SMAP1: variants seen among roughly 807,000 people sequenced by gnomAD.
SMAP1 encodes stromal membrane-associated protein 1.
In SMAP1, 24 loss-of-function variants were observed where a neutral mutation model predicts 58.5. That is an observed-to-expected ratio of 0.41 (90% CI 0.30 to 0.58). The LOEUF is 0.58. SMAP1 is among the 20% of genes least tolerant of loss of function. The pLI is 0.29. For missense variants in SMAP1, 563 were observed against 566.3 expected, an observed-to-expected ratio of 0.99 and a Z score of 0.06; for synonymous variants, 216 against 196.6, an observed-to-expected ratio of 1.10 and a Z score of -0.82.
At position 70,725,093 on chromosome 6, in the gene SMAP1, G is replaced by GTTTTTTTTTTTTTTTTTTTTTTTTTTT. The variant is rs745587315; in HGVS notation, c.119-7270_119-7244dup. ...GACTCCATATCCTAAATTAACCAGT[G>GTTTTTTTTTTTTTTTTTTTTTTTTTTT]TTTTTTTTTTTTTTTTTTTTTTTTT... is the stretch of plus-strand genomic sequence containing the variant. On this transcript the variant is annotated intron_variant, in intron 1 of 10. Coordinates refer to ENST00000370455, the MANE Select transcript of SMAP1 (RefSeq NM_001044305.3). Among the ~76,000 whole-genome samples, 3 of 47,778 alleles carry GTTTTTTTTTTTTTTTTTTTTTTTTTTT rather than the reference G, an allele frequency of 6.3e-5. 1 individual carries two copies. The highest frequency in any genetic ancestry group is 1.2e-4 in the Non-Finnish European group (3 of 24,994). The allele number at this position is 47,778 out of a possible 152,430, so 31.3% of individuals were successfully genotyped here.
At chr6:70,687,987 T>C (rs981662165) in intron 1 of SMAP1, among the ~76,000 whole-genome samples, 5 of 152,170 alleles carry the variant, frequency 3.3e-5, no homozygotes, top group African/African-American at 1.2e-4. Flanking sequence ...TCCTAACCCA[T>C]AGCATCCATG....
In SMAP1 at chr6:70,861,727, G is replaced by C; in HGVS notation, c.*1393G>C. On this transcript the variant is annotated 3_prime_UTR_variant, in exon 11 of 11. Coordinates refer to ENST00000370455, the MANE Select transcript of SMAP1 (RefSeq NM_001044305.3). The stretch of plus-strand genomic sequence containing the variant: ...CTCGTTGGCTAGATTAACCTTCTCT[G>C]TCCGAGTGTGCCACACGAGAACCTG... 3 of 1,614,040 alleles carry C rather than the reference G, an allele frequency of 1.9e-6. No individual in the cohort carries two copies. Among genetic ancestry groups the C allele is most frequent in the East Asian group, 2.2e-5 (1 of 44,872 alleles).
intron 1 of SMAP1, among the ~76,000 whole-genome samples, chr6:70,676,994 A>C (rs1211360401): frequency 2.0e-5 from 3 of 151,834 alleles, no homozygotes; most frequent in Admixed American, 6.6e-5. Flanking sequence ...GGGCCTTGCT[A>C]TGTTGTTTGG....
At chr6:70,784,876 C>G (rs974363434) in intron 4 of SMAP1, among the ~76,000 whole-genome samples, 4 of 152,144 alleles carry the variant, frequency 2.6e-5, no homozygotes, top group Non-Finnish European at 4.4e-5. Context: ...ACCCCACTGT[C>G]AACATTAGAC....
At position 70,861,868 on chromosome 6, in the gene SMAP1, CTGT is replaced by C. The variant is rs745561732; in HGVS notation, c.*1539_*1541del. 1.7e-5 allele frequency: 28 copies of C among 1,613,894 alleles called. No homozygotes were observed. Among genetic ancestry groups the C allele is most frequent in the Non-Finnish European group, 2.0e-5 (24 of 1,179,982 alleles). On this transcript the variant is annotated 3_prime_UTR_variant, in exon 11 of 11. Transcript: ENST00000370455. ...TTTGCTTTCGGTTCCAGTTCTTCGA[CTGT>C]TGTTATCTGTTTGAGAAAGTCAGAT...
At chr6:70,703,028 TG>T (rs1309542643) in intron 1 of SMAP1, among the ~76,000 whole-genome samples, 4 of 152,162 alleles carry the variant, frequency 2.6e-5, no homozygotes, top group Non-Finnish European at 5.9e-5. Context: ...TTTGAGGGTT[TG>T]TTTCGATTGA....
At chr6:70,770,724 C>T (rs190808396) in intron 3 of SMAP1, among the ~76,000 whole-genome samples, 175 of 152,286 alleles carry the variant, frequency 1.1e-3, no homozygotes, top group African/African-American at 4.0e-3. Flanking sequence ...GTAGTTTGAT[C>T]GTCTGAAGCC....
intron 1 of SMAP1, among the ~76,000 whole-genome samples, chr6:70,718,489 G>C (rs896486864): frequency 2.0e-5 from 3 of 152,196 alleles, no homozygotes; most frequent in African/African-American, 7.2e-5. Context: ...TTCCATCTTG[G>C]ACATATTTAA....
intron 1 of SMAP1, among the ~76,000 whole-genome samples, chr6:70,708,792 G>T (rs991572874): frequency 6.6e-6 from 1 of 152,140 alleles, no homozygotes; most frequent in African/African-American, 2.4e-5. Context: ...CAGGTCCTTT[G>T]CCCGTTTTTA....
At chr6:70,840,476 G>A (rs1770759785) in intron 7 of SMAP1, among the ~76,000 whole-genome samples, 2 of 152,028 alleles carry the variant, frequency 1.3e-5, no homozygotes. Flanking sequence ...CATTATTTTT[G>A]GCTTTGCAGG....
At chr6:70,768,689 T>C (rs1331934884) in intron 3 of SMAP1, among the ~76,000 whole-genome samples, 2 of 152,170 alleles carry the variant, frequency 1.3e-5, no homozygotes, top group African/African-American at 4.8e-5. Flanking sequence ...TGTTGATCTT[T>C]TCAAAAAACC....
intron 3 of SMAP1, among the ~76,000 whole-genome samples, chr6:70,758,907 G>A (rs1443100484): frequency 6.6e-6 from 1 of 152,090 alleles, no homozygotes; most frequent in Non-Finnish European, 1.5e-5. Flanking sequence ...AATGAGCCAT[G>A]CTTTCTTACT....
intron 1 of SMAP1, among the ~76,000 whole-genome samples, chr6:70,672,291 G>T (rs1173076029): frequency 6.6e-6 from 1 of 152,218 alleles, no homozygotes; most frequent in East Asian, 1.9e-4. Context: ...TTGCCCATTG[G>T]TGGTCTTTAC....
intron 6 of SMAP1, among the ~76,000 whole-genome samples, chr6:70,812,443 TC>T (rs1769432458): frequency 1.3e-5 from 2 of 152,200 alleles, no homozygotes; most frequent in Non-Finnish European, 2.9e-5. Flanking sequence ...AGACATGTAG[TC>T]TTGAGCCACA....
At chr6:70,701,301 C>T (rs940844528) in intron 1 of SMAP1, among the ~76,000 whole-genome samples, 5 of 151,822 alleles carry the variant, frequency 3.3e-5, no homozygotes, top group Non-Finnish European at 7.4e-5. Flanking sequence ...AAGCTTGTCT[C>T]GAACTCCTGA....
chr6:70,748,028 G>C (rs1336813314), intron 2 of SMAP1, among the ~76,000 whole-genome samples: 3 of 152,134 alleles, frequency 2.0e-5, no homozygotes, highest in Admixed American at 2.0e-4. Context: ...AATGGACTCT[G>C]TATTAAATAT....
chr6:70,740,144 C>A (rs1248586871), intron 2 of SMAP1, among the ~76,000 whole-genome samples: 1 of 152,118 alleles, frequency 6.6e-6, no homozygotes, highest in Non-Finnish European at 1.5e-5. Context: ...TACCTTGATT[C>A]TTTCTGCTGA....
At chr6:70,805,533 T>C (rs1769086992) in intron 6 of SMAP1, among the ~76,000 whole-genome samples, 1 of 152,218 alleles carries the variant, frequency 6.6e-6, no homozygotes. Flanking sequence ...TGCATCCAGC[T>C]TTGTTCTGTT....
At chr6:70,796,491 G>A (rs904848724) in intron 5 of SMAP1, among the ~76,000 whole-genome samples, 1 of 152,186 alleles carries the variant, frequency 6.6e-6, no homozygotes, top group Non-Finnish European at 1.5e-5. Flanking sequence ...ACAATAAGGT[G>A]CTTATCACCT....
Sources: gnomAD v4.1 joint callset for allele counts (sites outside exome capture counted in the v4.1 genomes callset) on GRCh38, gnomAD v4.1.1 for gene constraint, MANE v1.5 for transcripts, NCBI Gene and HGNC (gene_info 2026-07-23, HGNC 2026-07-21) for gene names.